CDK5RAP2: variants seen among roughly 807,000 people sequenced by gnomAD.
CDK5RAP2 encodes CDK5 regulatory subunit associated protein 2, also known as CDK5 regulatory subunit-associated protein 2.
CDK5RAP2 carries 147 observed loss-of-function variants against 232.9 expected under a neutral mutation model. The observed-to-expected ratio is 0.63, with a 90% CI of 0.55 to 0.72. The LOEUF (loss-of-function observed/expected upper bound fraction) is 0.72, where lower values mean the gene tolerates loss of function less well. Among genes scored for constraint, CDK5RAP2 ranks in the 30% least tolerant of loss-of-function variants. The probability of loss-of-function intolerance (pLI) is 0.00; values close to 1 mark genes in which losing one functional copy is unlikely to be tolerated. For synonymous variants in CDK5RAP2, 833 were observed against 833.7 expected (o/e 1.00, Z 0.01); for missense variants, 2,195 against 2,231.5 (o/e 0.98, Z 0.33).
chr9:120,413,814 GGA>G (rs2034012208), intron 28 of CDK5RAP2, among the ~76,000 whole-genome samples: 1 of 142,014 alleles, frequency 7.0e-6, no homozygotes, highest in Non-Finnish European at 1.5e-5. Flanking sequence ...GAGCGAGGAG[GGA>G]GGAGGGAGGA....
chr9:120,500,557 T>C (rs1375813605), intron 12 of CDK5RAP2, among the ~76,000 whole-genome samples: 1 of 152,264 alleles, frequency 6.6e-6, no homozygotes, highest in Non-Finnish European at 1.5e-5. Flanking sequence ...TTGCCAATCA[T>C]GCTTCTATAT....
intron 3 of CDK5RAP2, among the ~76,000 whole-genome samples, chr9:120,552,003 A>C (rs2042058704): frequency 6.6e-6 from 1 of 151,986 alleles, no homozygotes; most frequent in Non-Finnish European, 1.5e-5. Flanking sequence ...CAAGAAAAAA[A>C]CAAACAACCC....
chr9:120,475,344 G>A lies in CDK5RAP2; in HGVS notation c.1727+2006C>T, dbSNP rs548409866. 7.2e-5 allele frequency among the ~76,000 whole-genome samples: 11 copies of A among 152,114 alleles called. No individual in the cohort carries two copies. The South Asian group carries it at 2.1e-3, about 29-fold the overall frequency. Reference sequence around the variant, plus strand: ...AGTCCCGGTTAGTCTTTGTTAGTCCGAGTTAGCCCTGACCCGCCTCAGTCC... The same window carrying A: ...AGTCCCGGTTAGTCTTTGTTAGTCCAAGTTAGCCCTGACCCGCCTCAGTCC... On this transcript the variant is annotated intron_variant, in intron 15 of 37. Coordinates refer to ENST00000349780, the MANE Select transcript of CDK5RAP2 (RefSeq NM_018249.6).
chr9:120,506,750 C>T (rs138578945), intron 12 of CDK5RAP2, among the ~76,000 whole-genome samples: 365 of 152,280 alleles, frequency 2.4e-3, no homozygotes, highest in African/African-American at 8.2e-3. Context: ...TGAATTGCTG[C>T]AATCTCATGA....
chr9:120,503,514 T>C (rs1433647877), intron 12 of CDK5RAP2, among the ~76,000 whole-genome samples: 2 of 152,210 alleles, frequency 1.3e-5, no homozygotes, highest in Non-Finnish European at 1.5e-5. Context: ...AACTGAAAAT[T>C]GATCATCTTG....
Position 120,470,156 on chromosome 9 carries a change from ATTG to A in CDK5RAP2, c.1920_1922del (p.Asn641del). 2 of 1,596,030 alleles carry A rather than the reference ATTG, an allele frequency of 1.3e-6. No homozygotes were observed. Among genetic ancestry groups the A allele is most frequent in the Non-Finnish European group, 1.7e-6 (2 of 1,165,228 alleles). ...GAGAAAAATGTTCCACTTGAAACCG[ATTG>A]TTTTCTTCAAGGCAAATACTTAGAT... On this transcript the variant is annotated inframe_deletion, in exon 17 of 38. Transcript: ENST00000349780.
intron 25 of CDK5RAP2, among the ~76,000 whole-genome samples, chr9:120,428,888 A>G (rs540726971): frequency 2.0e-5 from 3 of 152,348 alleles, no homozygotes; most frequent in Non-Finnish European, 4.4e-5. Context: ...ATCCAGCAGC[A>G]CATCAAAAAG....
At chr9:120,436,227 T>C (rs192497826) in intron 25 of CDK5RAP2, among the ~76,000 whole-genome samples, 9 of 152,130 alleles carry the variant, frequency 5.9e-5, no homozygotes, top group Non-Finnish European at 1.2e-4. Context: ...GCATAGCCAA[T>C]CTAATCTAAC....
intron 6 of CDK5RAP2, among the ~76,000 whole-genome samples, chr9:120,538,182 C>T (rs917508860): frequency 2.0e-5 from 3 of 152,070 alleles, no homozygotes; most frequent in African/African-American, 7.2e-5. Flanking sequence ...CTACATAACC[C>T]CAAGACGACA....
In CDK5RAP2 at chr9:120,430,022, A is replaced by G. The variant is rs2035181869; in HGVS notation, c.3955+7273T>C. 2.6e-5 allele frequency among the ~76,000 whole-genome samples: 4 copies of G among 152,220 alleles called. No individual in the cohort carries two copies. The South Asian group carries it at 6.2e-4, about 24-fold the overall frequency. ...ACAAGCAATGGGGAAAGGATTCCCT[A>G]TTTAATAAATGGTGTTGGCAAAACT... On this transcript the variant is annotated intron_variant, in intron 25 of 37. Coordinates refer to ENST00000349780, the MANE Select transcript of CDK5RAP2 (RefSeq NM_018249.6).
intron 3 of CDK5RAP2, among the ~76,000 whole-genome samples, chr9:120,560,677 C>T (rs753138183): frequency 3.9e-5 from 6 of 152,126 alleles, no homozygotes; most frequent in African/African-American, 7.2e-5. Flanking sequence ...AGTGCAGTGG[C>T]GCGATCTCGG....
At chr9:120,426,779 A>T (rs2034931650) in intron 25 of CDK5RAP2, among the ~76,000 whole-genome samples, 2 of 152,156 alleles carry the variant, frequency 1.3e-5, no homozygotes, top group South Asian at 4.1e-4. Context: ...CAATACTTTG[A>T]TTTCTTTCAG....
chr9:120,464,383 T>C (rs2131479889), intron 18 of CDK5RAP2, among the ~76,000 whole-genome samples: 1 of 152,300 alleles, frequency 6.6e-6, no homozygotes, highest in South Asian at 2.1e-4. Flanking sequence ...CTGGATTACA[T>C]CCTAGACAGG....
chr9:120,422,258 C>T (rs770535992), intron 26 of CDK5RAP2, among the ~76,000 whole-genome samples: 1 of 152,118 alleles, frequency 6.6e-6, no homozygotes, highest in Non-Finnish European at 1.5e-5. Flanking sequence ...GCAGAGTGCA[C>T]AGCTATGGTG....
In CDK5RAP2 at chr9:120,570,153, A is replaced by G. The variant is rs112941482; in HGVS notation, c.128-1765T>C. Among the ~76,000 whole-genome samples the G allele has an allele frequency of 1.0e-3, 156 of 152,272 alleles. 1 individual carries two copies. The highest frequency in any genetic ancestry group is 3.4e-3 in the African/African-American group (142 of 41,546). Reference sequence around the variant, plus strand: ...GGTGGGAGTGGGCATGGTGTTCGGAAACCACTTAGCAGAAAAGAGGCTAAG... The same window carrying G: ...GGTGGGAGTGGGCATGGTGTTCGGAGACCACTTAGCAGAAAAGAGGCTAAG... On this transcript the variant is annotated intron_variant, in intron 2 of 37. Coordinates refer to ENST00000349780, the MANE Select transcript of CDK5RAP2 (RefSeq NM_018249.6).
At chr9:120,562,811 C>G (rs2042509742) in intron 3 of CDK5RAP2, among the ~76,000 whole-genome samples, 2 of 152,144 alleles carry the variant, frequency 1.3e-5, no homozygotes, top group South Asian at 4.2e-4. Context: ...ATAGCAGGCA[C>G]TATCCTAGCA....
intron 7 of CDK5RAP2, among the ~76,000 whole-genome samples, chr9:120,532,766 A>G (rs1040079109): frequency 1.3e-5 from 2 of 152,148 alleles, no homozygotes; most frequent in Non-Finnish European, 2.9e-5. Context: ...TAGGACTGAC[A>G]TGTTGGGTTT....
At chr9:120,533,581 G>A (rs2041250360) in intron 7 of CDK5RAP2, among the ~76,000 whole-genome samples, 1 of 151,762 alleles carries the variant, frequency 6.6e-6, no homozygotes, top group Non-Finnish European at 1.5e-5. Context: ...ATCACCTGAG[G>A]TCAGGTGTTC....
chr9:120,506,061 C>T (rs762755122), intron 12 of CDK5RAP2, among the ~76,000 whole-genome samples: 9 of 152,202 alleles, frequency 5.9e-5, no homozygotes, highest in Non-Finnish European at 1.3e-4. Context: ...AGTTTCATAG[C>T]TAAAGAGGAG....
Sources: allele counts gnomAD v4.1 joint callset (sites outside exome capture counted in the v4.1 genomes callset), GRCh38; gene constraint gnomAD v4.1.1; transcripts MANE v1.5; gene names NCBI Gene and HGNC (gene_info 2026-07-23, HGNC 2026-07-21).